Variants in LRRC69 observed in about 807,000 individuals in gnomAD.
The protein encoded by LRRC69 is leucine-rich repeat-containing protein 69.
In LRRC69, 42 loss-of-function variants were observed where a neutral mutation model predicts 37.8. The observed-to-expected ratio is 1.11, with a 90% CI of 0.87 to 1.44. The LOEUF is 1.44. Ranked by LOEUF, LRRC69 falls within the 40% of genes most tolerant of loss-of-function variation. LRRC69 has a pLI of 0.00. For missense variants in LRRC69, 357 were observed against 401.9 expected (o/e 0.89, Z 0.96); for synonymous variants, 141 against 143.1 (o/e 0.99, Z 0.11).
chr8:91,105,308 A>G (rs1263196129), intron 1 of LRRC69, among the ~76,000 whole-genome samples: 5 of 151,852 alleles, frequency 3.3e-5, no homozygotes, highest in Non-Finnish European at 5.9e-5. Context: ...TGCTAGATAA[A>G]ATGTGCTAGA....
chr8:91,133,693 G>C (rs1438564858), intron 4 of LRRC69, among the ~76,000 whole-genome samples: 1 of 151,984 alleles, frequency 6.6e-6, no homozygotes, highest in African/African-American at 2.4e-5. Flanking sequence ...GGAGTGCAGT[G>C]GCACAATCTT....
intron 7 of LRRC69, among the ~76,000 whole-genome samples, chr8:91,202,372 G>A (rs780777173): frequency 6.6e-6 from 1 of 152,184 alleles, no homozygotes; most frequent in Non-Finnish European, 1.5e-5. Flanking sequence ...ACTTTTGGGG[G>A]CACTGGATGT....
At chr8:91,169,430 C>A (rs187075633) in intron 5 of LRRC69, among the ~76,000 whole-genome samples, 7 of 151,942 alleles carry the variant, frequency 4.6e-5, no homozygotes, top group South Asian at 2.1e-4. Context: ...AAAATATTAT[C>A]TTTTTGGTAT....
intron 5 of LRRC69, among the ~76,000 whole-genome samples, chr8:91,142,911 T>G (rs569581596): frequency 1.3e-5 from 2 of 152,190 alleles, no homozygotes; most frequent in African/African-American, 4.8e-5. Context: ...TGTCCTTGAC[T>G]AAAATGATAC....
chr8:91,122,984 G>T (rs1813656536), intron 1 of LRRC69, among the ~76,000 whole-genome samples: 1 of 152,048 alleles, frequency 6.6e-6, no homozygotes, highest in Non-Finnish European at 1.5e-5. Flanking sequence ...GTAATTATGA[G>T]GTTTTTAAAT....
At chr8:91,203,563 TTG>T (rs923580969) in intron 7 of LRRC69, among the ~76,000 whole-genome samples, 2 of 151,434 alleles carry the variant, frequency 1.3e-5, no homozygotes, top group African/African-American at 4.9e-5. Context: ...TGGCTTTTTT[TTG>T]TGTGTGTATT....
At chr8:91,142,681 G>C (rs1808550864) in intron 5 of LRRC69, among the ~76,000 whole-genome samples, 1 of 151,992 alleles carries the variant, frequency 6.6e-6, no homozygotes, top group Non-Finnish European at 1.5e-5. Flanking sequence ...TAATGCTGAT[G>C]CTGTAAGTCC....
At chr8:91,178,674 A>G (rs917978973) in intron 5 of LRRC69, among the ~76,000 whole-genome samples, 1 of 152,330 alleles carries the variant, frequency 6.6e-6, no homozygotes, top group African/African-American at 2.4e-5. Context: ...TTACATTTCA[A>G]GGAACATTCA....
intron 7 of LRRC69, among the ~76,000 whole-genome samples, chr8:91,206,455 C>T (rs114488377): frequency 0.033 from 4,969 of 152,202 alleles, 255 homozygotes; most frequent in African/African-American, 0.11. Flanking sequence ...ATCTTGATCA[C>T]ATATGTAGCT....
chr8:91,123,803 T>C (rs1586231147), intron 1 of LRRC69, among the ~76,000 whole-genome samples: 1 of 152,158 alleles, frequency 6.6e-6, no homozygotes, highest in East Asian at 1.9e-4. Context: ...TCTGTATCAC[T>C]TATTTATTGG....
chr8:91,103,604 C>T (rs1020206816), intron 1 of LRRC69, among the ~76,000 whole-genome samples: 19 of 151,786 alleles, frequency 1.3e-4, no homozygotes, highest in Admixed American at 9.2e-4. Context: ...GCAGCTAAGG[C>T]GTTATAGCTC....
intron 1 of LRRC69, among the ~76,000 whole-genome samples, chr8:91,116,876 TCTTA>T (rs1414419943): frequency 9.2e-5 from 14 of 152,084 alleles, no homozygotes; most frequent in African/African-American, 2.4e-4. Flanking sequence ...TTGTCTTCTC[TCTTA>T]CTTATTAAAA....
chr8:91,172,965 G>A (rs559138453), intron 5 of LRRC69, among the ~76,000 whole-genome samples: 2 of 152,144 alleles, frequency 1.3e-5, no homozygotes, highest in South Asian at 2.1e-4. Flanking sequence ...ACTTTACAGA[G>A]AGGAAAAATG....
intron 7 of LRRC69, among the ~76,000 whole-genome samples, chr8:91,207,108 C>G (rs574648023): frequency 6.6e-6 from 1 of 152,086 alleles, no homozygotes; most frequent in Non-Finnish European, 1.5e-5. Flanking sequence ...AATACAGAAC[C>G]CTGATCCTTG....
At chr8:91,203,035 A>G (rs1809736899) in intron 7 of LRRC69, among the ~76,000 whole-genome samples, 1 of 152,140 alleles carries the variant, frequency 6.6e-6, no homozygotes. Flanking sequence ...TTACTAAAAT[A>G]GGGAAGACTA....
chr8:91,120,095 C>G (rs968470645), intron 1 of LRRC69, among the ~76,000 whole-genome samples: 2 of 151,992 alleles, frequency 1.3e-5, no homozygotes, highest in African/African-American at 2.4e-5. Flanking sequence ...AAAGTTCTTA[C>G]AAGAATTGTC....
chr8:91,192,871 T>C (rs1274939857), intron 6 of LRRC69, among the ~76,000 whole-genome samples: 1 of 151,592 alleles, frequency 6.6e-6, no homozygotes, highest in Non-Finnish European at 1.5e-5. Context: ...TTTGTCAATT[T>C]TGGCTTTTGT....
intron 5 of LRRC69, among the ~76,000 whole-genome samples, chr8:91,162,607 TC>T (rs1170487079): frequency 2.0e-5 from 3 of 151,500 alleles, no homozygotes; most frequent in Non-Finnish European, 3.0e-5. Flanking sequence ...GTATGGAACA[TC>T]TTTTCCCATC....
intron 5 of LRRC69, among the ~76,000 whole-genome samples, chr8:91,186,630 T>C (rs1321779288): frequency 6.6e-6 from 1 of 152,198 alleles, no homozygotes; most frequent in Non-Finnish European, 1.5e-5. Flanking sequence ...TTTGAAAGGT[T>C]CTAAGCAAGG....
Sources: gnomAD v4.1 joint callset for allele counts (sites outside exome capture counted in the v4.1 genomes callset) on GRCh38, gnomAD v4.1.1 for gene constraint, MANE v1.5 for transcripts, NCBI Gene and HGNC (gene_info 2026-07-23, HGNC 2026-07-21) for gene names.